Variants in OCA2 observed in about 807,000 individuals in gnomAD.
OCA2 encodes the protein P protein.
In OCA2, 77 loss-of-function variants were observed where a neutral mutation model predicts 100.2. That is an observed-to-expected ratio of 0.77 (90% CI 0.64 to 0.93). The LOEUF (loss-of-function observed/expected upper bound fraction) is 0.93. Ranked by LOEUF, OCA2 falls within the 40% of genes least tolerant of loss-of-function variation. OCA2 has a pLI of 0.00. For synonymous variants in OCA2, 432 were observed against 439.2 expected, an observed-to-expected ratio of 0.98 and a Z score of 0.21; for missense variants, 1,062 against 1,089.1, an observed-to-expected ratio of 0.98 and a Z score of 0.35.
intron 14 of OCA2, among the ~76,000 whole-genome samples, chr15:27,969,683 G>A (rs1265265740): frequency 1.3e-5 from 2 of 152,110 alleles, no homozygotes; most frequent in Non-Finnish European, 2.9e-5. Context: ...TATTAGGCAC[G>A]TAAACCAAAC....
At chr15:27,847,569 C>G (rs72710550) in intron 22 of OCA2, among the ~76,000 whole-genome samples, 7,636 of 152,022 alleles carry the variant, frequency 0.05, 247 homozygotes, top group African/African-American at 0.084. Flanking sequence ...CGGAGAGGAG[C>G]CTCCGGAAAG....
At chr15:27,870,357 A>T (rs762265610) in intron 21 of OCA2, among the ~76,000 whole-genome samples, 5 of 152,178 alleles carry the variant, frequency 3.3e-5, no homozygotes, top group Non-Finnish European at 7.3e-5. Context: ...AGTATTTGTG[A>T]GAGGACCCCA....
rs1192011534 is a variant in OCA2, at chr15:27,754,878, T to A, written c.*510A>T. On this transcript the variant is annotated 3_prime_UTR_variant, in exon 24 of 24. Transcript: ENST00000354638. ...TAATGTAAACTACTCCAAAGCCTTT[T>A]ATCAAGGAACAGTTTATTTTAATAC... is the stretch of plus-strand genomic sequence containing the variant. 1.2e-5 allele frequency: 2 copies of A among 172,762 alleles called. No individual in the cohort carries two copies. The highest frequency in any genetic ancestry group is 2.7e-4 in the East Asian group (2 of 7,318). 10.7% of individuals were successfully genotyped at this position (172,762 alleles called of 1,614,324 possible). A position where few individuals can be genotyped will look rare whatever the true frequency, so the allele number is the denominator to read the frequency against.
chr15:28,088,813 A>G (rs1395040204), intron 1 of OCA2, among the ~76,000 whole-genome samples: 1 of 152,214 alleles, frequency 6.6e-6, no homozygotes, highest in Non-Finnish European at 1.5e-5. Flanking sequence ...CCAGGGCAAA[A>G]TTAAAATTGC....
downstream of OCA2, among the ~76,000 whole-genome samples, chr15:27,753,886 G>A (rs1369017265): frequency 6.6e-6 from 1 of 152,142 alleles, no homozygotes; most frequent in African/African-American, 2.4e-5. Flanking sequence ...GGATGAAAGA[G>A]CAGATGGGAG....
intron 23 of OCA2, among the ~76,000 whole-genome samples, chr15:27,773,661 G>A (rs182872988): frequency 6.6e-6 from 1 of 152,290 alleles, no homozygotes; most frequent in Admixed American, 6.5e-5. Flanking sequence ...AGGAAACTAA[G>A]GCCCAGAGAG....
intron 21 of OCA2, among the ~76,000 whole-genome samples, chr15:27,865,546 T>C (rs79703652): frequency 2.0e-4 from 31 of 152,298 alleles, no homozygotes; most frequent in East Asian, 1.9e-3. Context: ...TCCTGATGCA[T>C]TTTCATGAAT....
chr15:27,969,350 A>T (rs1057187844), intron 14 of OCA2, among the ~76,000 whole-genome samples: 1 of 152,258 alleles, frequency 6.6e-6, no homozygotes, highest in African/African-American at 2.4e-5. Flanking sequence ...GAGCAATGAT[A>T]AGGGAAAAAT....
At chr15:27,875,651 T>C (rs554243927) in intron 19 of OCA2, among the ~76,000 whole-genome samples, 6 of 152,214 alleles carry the variant, frequency 3.9e-5, no homozygotes, top group African/African-American at 1.4e-4. Flanking sequence ...ACAGACTATA[T>C]CTCTTCATTA....
chr15:27,821,988 C>T (rs966709244), intron 23 of OCA2, among the ~76,000 whole-genome samples: 6 of 152,188 alleles, frequency 3.9e-5, no homozygotes, highest in Admixed American at 1.3e-4. Context: ...TAATACATCA[C>T]TTAATAAGCA....
chr15:28,086,347 A>G (rs1202013566), intron 1 of OCA2, among the ~76,000 whole-genome samples: 2 of 152,202 alleles, frequency 1.3e-5, no homozygotes, highest in African/African-American at 2.4e-5. Flanking sequence ...AGCCAGGGTG[A>G]TATCAGCAGA....
At chr15:27,766,245 T>C (rs1243636234) in intron 23 of OCA2, among the ~76,000 whole-genome samples, 1 of 152,206 alleles carries the variant, frequency 6.6e-6, no homozygotes, top group African/African-American at 2.4e-5. Flanking sequence ...TATTTGACCA[T>C]ATAGTCAACA....
At chr15:27,756,220 C>T (rs2030356331) in intron 23 of OCA2, among the ~76,000 whole-genome samples, 1 of 152,230 alleles carries the variant, frequency 6.6e-6, no homozygotes, top group Non-Finnish European at 1.5e-5. Context: ...GCAAATGTTA[C>T]AATTTTGGTT....
chr15:27,849,368 C>T (rs2035662033), intron 22 of OCA2, among the ~76,000 whole-genome samples: 1 of 152,252 alleles, frequency 6.6e-6, no homozygotes, highest in African/African-American at 2.4e-5. Context: ...TTCCTTCCCA[C>T]AGGTTTTCTG....
chr15:27,777,026 C>A (rs1466957569), intron 23 of OCA2, among the ~76,000 whole-genome samples: 1 of 151,964 alleles, frequency 6.6e-6, no homozygotes, highest in Non-Finnish European at 1.5e-5. Flanking sequence ...ACCAGCCCTG[C>A]CACTTTCTCC....
intron 14 of OCA2, among the ~76,000 whole-genome samples, chr15:27,968,833 G>A (rs1298826714): frequency 6.6e-6 from 1 of 152,146 alleles, no homozygotes; most frequent in Non-Finnish European, 1.5e-5. Context: ...TGATCATATA[G>A]AAGAATTCAC....
intron 9 of OCA2, among the ~76,000 whole-genome samples, chr15:27,997,138 G>GA (rs2041767722): frequency 2.2e-5 from 3 of 133,916 alleles, no homozygotes; most frequent in Non-Finnish European, 3.1e-5. Context: ...GAAGAAGGAA[G>GA]GAAGAGAGAG....
At chr15:28,074,328 C>T (rs749320717) in intron 2 of OCA2, among the ~76,000 whole-genome samples, 15 of 150,026 alleles carry the variant, frequency 1.0e-4, no homozygotes, top group Non-Finnish European at 1.6e-4. Flanking sequence ...CACTTGAGGA[C>T]AGGAGTTTGA....
chr15:27,768,755 G>A (rs1302187310), intron 23 of OCA2, among the ~76,000 whole-genome samples: 17 of 152,200 alleles, frequency 1.1e-4, no homozygotes, highest in Non-Finnish European at 4.4e-5. Context: ...CTGTCTATGG[G>A]ACCCTGTGGT....
Sources: allele counts gnomAD v4.1 joint callset (sites outside exome capture counted in the v4.1 genomes callset), GRCh38; gene constraint gnomAD v4.1.1; transcripts MANE v1.5; gene names NCBI Gene and HGNC (gene_info 2026-07-23, HGNC 2026-07-21).